The following GLB1 variants were observed in gnomAD, a reference collection of about 807,000 sequenced individuals.
The protein encoded by GLB1 is beta-galactosidase.
A neutral mutation model predicts 74.0 loss-of-function variants in GLB1; 56 were observed. That is an observed-to-expected ratio of 0.76 (90% CI 0.61 to 0.94). The LOEUF is 0.94. Among genes scored for constraint, GLB1 ranks in the 40% least tolerant of loss-of-function variants. The probability of loss-of-function intolerance (pLI) is 0.00; values close to 1 mark genes in which losing one functional copy is unlikely to be tolerated. For synonymous variants in GLB1, 323 were observed against 323.6 expected, an observed-to-expected ratio of 1.00 and a Z score of 0.02; for missense variants, 787 against 845.5, an observed-to-expected ratio of 0.93 and a Z score of 0.86.
chr3:33,009,899 A>G (rs1696951475), intron 15 of GLB1, among the ~76,000 whole-genome samples: 1 of 152,238 alleles, frequency 6.6e-6, no homozygotes, highest in African/African-American at 2.4e-5. Context: ...TTTACTTAGC[A>G]TAATATTTTT....
intron 15 of GLB1, among the ~76,000 whole-genome samples, chr3:33,003,692 A>C (rs1010660116): frequency 1.3e-5 from 2 of 152,228 alleles, no homozygotes; most frequent in Non-Finnish European, 2.9e-5. Flanking sequence ...GACCTGTGGG[A>C]TATTGAACAG....
intron 1 of GLB1, among the ~76,000 whole-genome samples, chr3:33,083,458 A>T (rs1234956222): frequency 6.6e-6 from 1 of 151,838 alleles, no homozygotes; most frequent in East Asian, 1.9e-4. Flanking sequence ...GGAGACAGAG[A>T]GAGAGAAAAC....
In GLB1 at chr3:33,068,932, T is replaced by C; in HGVS notation, c.284A>G (p.Gln95Arg). 1 of 1,614,162 alleles carries C rather than the reference T, an allele frequency of 6.2e-7. No individual in the cohort carries two copies. The highest frequency in any genetic ancestry group is 2.2e-5 in the East Asian group (1 of 44,890). The stretch of plus-strand genomic sequence containing the variant: ...ATCATGGTCCTCAGAAAACTGGTAC[T>C]GTCCTGGCCAGGGCTCATGAAAGTT... ...PWNFHEPWPG[Q>R]YQFSEDHDVE... is the part of the protein sequence containing the mutation. The change falls in exon 3 of 16, where the codon CAG (glutamine) becomes CGG (arginine). Residue 95 changes from glutamine (Q) to arginine (R), a missense_variant. Physicochemically the swap from Gln to Arg is conservative, Grantham distance 43. Transcript: ENST00000307363.
At chr3:33,034,397 A>T (rs1311868844) in intron 10 of GLB1, 11 of 753,236 alleles carry the variant, frequency 1.5e-5, no homozygotes, top group Non-Finnish European at 2.7e-5. Context: ...ACCCAATTAC[A>T]TCAAGAAGTT....
chr3:32,976,634 T>C, the GLB1 span, among the ~76,000 whole-genome samples: 2 of 152,202 alleles, frequency 1.3e-5, no homozygotes, highest in Non-Finnish European at 2.9e-5. Flanking sequence ...CTCCCAACTC[T>C]TCTGCTTCCT....
intron 1 of GLB1, chr3:33,092,327 G>C (rs547830265): frequency 2.0e-6 from 2 of 987,350 alleles, no homozygotes; most frequent in Non-Finnish European, 2.4e-6. Flanking sequence ...AGCAGCCAGA[G>C]GGCCCTTCCA....
downstream of GLB1, among the ~76,000 whole-genome samples, chr3:32,994,920 C>CG (rs754840213): frequency 4.6e-3 from 528 of 115,726 alleles, 5 homozygotes; most frequent in African/African-American, 0.018. Flanking sequence ...GACTCTGTTT[C>CG]AAAAAAAAAA....
At chr3:33,080,027 T>C (rs1700267371) in intron 1 of GLB1, among the ~76,000 whole-genome samples, 1 of 152,182 alleles carries the variant, frequency 6.6e-6, no homozygotes, top group South Asian at 2.1e-4. Flanking sequence ...CAAGCAATCC[T>C]CCCACCTCAC....
chr3:32,962,748 T>C, the GLB1 span, among the ~76,000 whole-genome samples: 2 of 151,364 alleles, frequency 1.3e-5, no homozygotes, highest in East Asian at 3.9e-4. Context: ...ATATTATCTA[T>C]ACATAGTATG....
chr3:33,008,655 G>A (rs1339343390), intron 15 of GLB1, among the ~76,000 whole-genome samples: 1 of 152,168 alleles, frequency 6.6e-6, no homozygotes, highest in Non-Finnish European at 1.5e-5. Context: ...TGGCAACAAT[G>A]AGGGGATGGT....
At chr3:33,020,396 A>T (rs1308270282) in intron 12 of GLB1, among the ~76,000 whole-genome samples, 1 of 152,192 alleles carries the variant, frequency 6.6e-6, no homozygotes, top group African/African-American at 2.4e-5. Context: ...ATTTCAAAAC[A>T]TGGGGCTGAG....
At chr3:33,031,819 C>CA (rs1698057326) in intron 10 of GLB1, among the ~76,000 whole-genome samples, 1 of 151,108 alleles carries the variant, frequency 6.6e-6, no homozygotes, top group Non-Finnish European at 1.5e-5. Context: ...GTTTTTGAGA[C>CA]AGAGTTTTGC....
intron 1 of GLB1, chr3:33,090,298 G>C: frequency 4.5e-6 from 3 of 669,660 alleles, no homozygotes; most frequent in Non-Finnish European, 5.5e-6. Flanking sequence ...GTGGGGCAGG[G>C]GTAGCTGAGA....
chr3:32,990,931 G>A, the GLB1 span, among the ~76,000 whole-genome samples: 30 of 152,096 alleles, frequency 2.0e-4, no homozygotes, highest in Non-Finnish European at 3.5e-4. Context: ...CAGAGATCAC[G>A]CCACTGCACT....
intron 1 of GLB1, chr3:33,092,654 C>T (rs1253729767): frequency 2.2e-6 from 3 of 1,380,154 alleles, no homozygotes; most frequent in South Asian, 2.0e-5. Flanking sequence ...AATAGTTAAA[C>T]CAGCCTGAAC....
At chr3:33,038,281 GATTAA>G (rs1296616580) in intron 10 of GLB1, among the ~76,000 whole-genome samples, 1 of 152,146 alleles carries the variant, frequency 6.6e-6, no homozygotes, top group Non-Finnish European at 1.5e-5. Flanking sequence ...TTTGTATAAT[GATTAA>G]GTGGATGATC....
chr3:33,054,036 A>AAT (rs1553610631), intron 6 of GLB1, among the ~76,000 whole-genome samples: 6 of 151,704 alleles, frequency 4.0e-5, no homozygotes, highest in African/African-American at 1.5e-4. Flanking sequence ...TTATTAAAAA[A>AAT]AATAATAATA....
At chr3:33,046,965 C>T (rs1244335974) in intron 9 of GLB1, among the ~76,000 whole-genome samples, 2 of 152,186 alleles carry the variant, frequency 1.3e-5, no homozygotes, top group African/African-American at 4.8e-5. Context: ...CCCAAGGTTA[C>T]AACCCTCAGG....
At chr3:33,073,285 T>C (rs946362649) in intron 1 of GLB1, among the ~76,000 whole-genome samples, 1 of 152,220 alleles carries the variant, frequency 6.6e-6, no homozygotes. Context: ...TCCAGGGTAT[T>C]AGACTAAAAG....
Sources: allele counts gnomAD v4.1 joint callset (sites outside exome capture counted in the v4.1 genomes callset), GRCh38; gene constraint gnomAD v4.1.1; transcripts MANE v1.5; gene names NCBI Gene and HGNC (gene_info 2026-07-23, HGNC 2026-07-21).